Variants in HDLBP observed in about 807,000 individuals in gnomAD.
HDLBP encodes the protein vigilin.
A neutral mutation model predicts 137.3 loss-of-function variants in HDLBP; 30 were observed. That is an observed-to-expected ratio of 0.22 (90% CI 0.16 to 0.30). The LOEUF is 0.30. HDLBP is among the 10% of genes least tolerant of loss of function. HDLBP has a pLI of 1.00. For missense variants in HDLBP, 1,119 were observed against 1,667.3 expected (o/e 0.67, Z 5.73); for synonymous variants, 606 against 596.0 (o/e 1.02, Z -0.24).
chr2:241,247,568 G>A (rs988348237), intron 14 of HDLBP, among the ~76,000 whole-genome samples: 13 of 152,198 alleles, frequency 8.5e-5, no homozygotes, highest in African/African-American at 3.1e-4. Flanking sequence ...ATACATGGCT[G>A]CCTGTGGCCT....
intron 1 of HDLBP, among the ~76,000 whole-genome samples, chr2:241,301,189 G>A (rs1300843060): frequency 3.4e-5 from 5 of 147,688 alleles, no homozygotes; most frequent in Admixed American, 6.8e-5. Flanking sequence ...GGGCTTCATC[G>A]TGTTAGCCAG....
intron 1 of HDLBP, among the ~76,000 whole-genome samples, chr2:241,281,149 A>G (rs2074583444): frequency 6.6e-6 from 1 of 152,180 alleles, no homozygotes; most frequent in African/African-American, 2.4e-5. Flanking sequence ...TGAGGTCGAG[A>G]GATCGAGATC....
intron 1 of HDLBP, chr2:241,302,682 C>G (rs1029461137): frequency 6.6e-6 from 1 of 152,388 alleles, no homozygotes; most frequent in African/African-American, 2.4e-5. Flanking sequence ...GGATAAGAGC[C>G]CTTTTCTCCA....
intron 2 of HDLBP, chr2:241,267,455 C>T (rs1478777234): frequency 1.0e-5 from 9 of 881,814 alleles, no homozygotes; most frequent in Admixed American, 4.1e-5. Flanking sequence ...CACCCCTAAC[C>T]GCAGGGGTGG....
chr2:241,310,988 C>T lies in HDLBP; in HGVS notation c.-103+4582G>A, dbSNP rs140777257. On this transcript the variant is annotated intron_variant, in intron 1 of 27. Coordinates refer to ENST00000310931, the MANE Select transcript of HDLBP (RefSeq NM_005336.6). Reference sequence around the variant, plus strand: ...AATTATCCAGGTGTGGCGGTGCATGCCTGTAGTCCCAGGTACTTGGGAGGC... The same window carrying T: ...AATTATCCAGGTGTGGCGGTGCATGTCTGTAGTCCCAGGTACTTGGGAGGC... 5.6e-3 allele frequency among the ~76,000 whole-genome samples: 853 copies of T among 152,258 alleles called. 16 individuals are homozygous for T. Among genetic ancestry groups the T allele is most frequent in the African/African-American group, 0.019 (791 of 41,546 alleles).
chr2:241,281,347 T>G (rs1327213390), intron 1 of HDLBP, among the ~76,000 whole-genome samples: 3 of 148,766 alleles, frequency 2.0e-5, no homozygotes, highest in Non-Finnish European at 4.4e-5. Flanking sequence ...GGAGTGAAAC[T>G]CCGTCTTAAA....
At chr2:241,249,291 G>A (rs1049815236) in intron 12 of HDLBP, 11 of 470,690 alleles carry the variant, frequency 2.3e-5, no homozygotes, top group Middle Eastern at 3.7e-4. Context: ...AGGCACTCAC[G>A]CAGTATTTGA....
In HDLBP at chr2:241,272,718, C is replaced by T. The variant is rs1417496031; in HGVS notation, c.-102-4177G>A. On this transcript the variant is annotated intron_variant, in intron 1 of 27. Transcript: ENST00000310931. The surrounding 1 kb of genome is among the most constrained non-coding windows in gnomAD (Gnocchi z 5.6). ...CGCCCGGCAGCCCGCCCGCCCCGTC[C>T]GCCCGCCCGCCCAGGCCTCCCAGCC... is the stretch of plus-strand genomic sequence containing the variant. The T allele has an allele frequency of 3.7e-6, 2 of 537,382 alleles. No homozygotes were observed. Among genetic ancestry groups the T allele is most frequent in the East Asian group, 1.6e-4 (1 of 6,390 alleles). 33.3% of individuals were successfully genotyped at this position (537,382 alleles called of 1,614,324 possible).
At chr2:241,311,188 T>C (rs1464447067) in intron 1 of HDLBP, among the ~76,000 whole-genome samples, 2 of 151,964 alleles carry the variant, frequency 1.3e-5, no homozygotes, top group East Asian at 3.9e-4. Context: ...GAAAACATAG[T>C]CACACACAAA....
At chr2:241,290,032 G>C (rs1481045182) in intron 1 of HDLBP, among the ~76,000 whole-genome samples, 1 of 152,130 alleles carries the variant, frequency 6.6e-6, no homozygotes, top group Non-Finnish European at 1.5e-5. Flanking sequence ...TGTCCATGCA[G>C]TGAAGCAACA....
chr2:241,307,917 A>T (rs1559560092), intron 1 of HDLBP, among the ~76,000 whole-genome samples: 1 of 151,770 alleles, frequency 6.6e-6, no homozygotes, highest in Non-Finnish European at 1.5e-5. Context: ...TGGAAAGAAC[A>T]TCCTCTGCTC....
rs746073821 is a variant in HDLBP at position 241,230,713 on chromosome 2, C to G, written c.3474+46G>C. On this transcript the variant is annotated intron_variant, in intron 25 of 27. Transcript: ENST00000310931. This position sits in a 1 kb window ranked among gnomAD's most constrained non-coding sequence, Gnocchi z 5.0. Reference sequence around the variant, plus strand: ...TCTTTCTTCTGGCCAGCCAGGTGCCCCCGGTGAGAGAGGATTCTCACCCAC... The same window carrying G: ...TCTTTCTTCTGGCCAGCCAGGTGCCGCCGGTGAGAGAGGATTCTCACCCAC... 6.4e-7 allele frequency: 1 copy of G among 1,560,082 alleles called. No individual in the cohort carries two copies. Among genetic ancestry groups the G allele is most frequent in the Non-Finnish European group, 8.8e-7 (1 of 1,134,342 alleles).
chr2:241,235,054 G>C, intron 23 of HDLBP, 67 bp downstream of exon 23: 1 of 1,573,700 alleles, frequency 6.4e-7, no homozygotes, highest in Non-Finnish European at 8.6e-7. Flanking sequence ...AACTTCCCTA[G>C]ATTCTGACAT....
At chr2:241,254,176 G>A (rs924646578) in intron 9 of HDLBP, among the ~76,000 whole-genome samples, 1 of 152,060 alleles carries the variant, frequency 6.6e-6, no homozygotes, top group Non-Finnish European at 1.5e-5. Context: ...GAGACGAGCG[G>A]ATCACTTGAC....
chr2:241,272,587 G>T lies in HDLBP; in HGVS notation c.-102-4046C>A. 1.0e-6 allele frequency: 1 copy of T among 984,086 alleles called. No individual in the cohort carries two copies. Among genetic ancestry groups the T allele is most frequent in the Non-Finnish European group, 1.2e-6 (1 of 829,356 alleles). The allele number at this position is 984,086 out of a possible 1,614,324, so 61.0% of individuals were successfully genotyped here. On this transcript the variant is annotated intron_variant, in intron 1 of 27. Transcript: ENST00000310931. This position sits in a 1 kb window ranked among gnomAD's most constrained non-coding sequence, Gnocchi z 5.6. ...CCGGAACCGCCACGCGCGGTAAGCAGGACACCCGCGGGCGGGGGCCGCAGC... is the reference window on the plus strand; with the variant it reads ...CCGGAACCGCCACGCGCGGTAAGCATGACACCCGCGGGCGGGGGCCGCAGC...
intron 12 of HDLBP, 59 bp downstream of exon 12, chr2:241,249,782 G>GA: frequency 6.6e-7 from 1 of 1,512,146 alleles, no homozygotes; most frequent in Non-Finnish European, 8.9e-7. Context: ...CTACTCCTTA[G>GA]AGGGGGCCAA....
intron 1 of HDLBP, among the ~76,000 whole-genome samples, chr2:241,296,208 C>G (rs1427536980): frequency 6.6e-6 from 1 of 151,798 alleles, no homozygotes; most frequent in Non-Finnish European, 1.5e-5. Flanking sequence ...GCACTTGATG[C>G]ATGAAACAGA....
chr2:241,250,035 A>G (rs2072002597), intron 11 of HDLBP, 55 bp from the exon 12 acceptor site: 3 of 1,535,332 alleles, frequency 2.0e-6, no homozygotes, highest in African/African-American at 1.4e-5. Context: ...CATTCTGCCA[A>G]TGACATAACT....
At chr2:241,299,983 T>C (rs183002075) in intron 1 of HDLBP, among the ~76,000 whole-genome samples, 4 of 152,194 alleles carry the variant, frequency 2.6e-5, no homozygotes, top group African/African-American at 7.2e-5. Context: ...TGAATGCACA[T>C]TGCACCCAAA....
Sources: gnomAD v4.1 joint callset for allele counts (sites outside exome capture counted in the v4.1 genomes callset) on GRCh38, gnomAD v4.1.1 for gene constraint, Gnocchi (gnomAD v3.1) non-coding constraint, MANE v1.5 for transcripts, NCBI Gene and HGNC (gene_info 2026-07-23, HGNC 2026-07-21) for gene names.